The following TOM1L2 variants were observed in gnomAD, a reference collection of about 807,000 sequenced individuals.
The protein encoded by TOM1L2 is target of myb1 like 2 membrane trafficking protein.
A neutral mutation model predicts 67.9 loss-of-function variants in TOM1L2; 31 were observed. The ratio of observed to expected loss-of-function variants is 0.46; its 90% CI spans 0.34 to 0.62. The LOEUF (loss-of-function observed/expected upper bound fraction) is 0.62. Among genes scored for constraint, TOM1L2 ranks in the 20% least tolerant of loss-of-function variants. The pLI, the probability that TOM1L2 is intolerant of heterozygous loss-of-function variation, is 0.01. For missense variants in TOM1L2, 606 were observed against 663.5 expected, an observed-to-expected ratio of 0.91 and a Z score of 0.95; for synonymous variants, 256 against 254.0, an observed-to-expected ratio of 1.01 and a Z score of -0.07.
intron 1 of TOM1L2, among the ~76,000 whole-genome samples, chr17:17,949,745 A>G (rs555217185): frequency 3.9e-5 from 6 of 152,372 alleles, no homozygotes; most frequent in Non-Finnish European, 8.8e-5. Flanking sequence ...AGTGGCCAGA[A>G]GGCAGAAGAG....
rs554346604 is a variant in TOM1L2 at position 17,850,218 on chromosome 17, T to C, written c.1338+675A>G. ...TTCTTCATCCGCCACCCTGGCCCCC[T>C]ACTGGGCTGCTGAGAGTGAAAGTGC... On this transcript the variant is annotated intron_variant, in intron 13 of 14. Transcript: ENST00000379504. 5.3e-5 allele frequency among the ~76,000 whole-genome samples: 8 copies of C among 152,248 alleles called. No individual in the cohort carries two copies. The South Asian group carries it at 1.7e-3, about 32-fold the overall frequency.
chr17:17,943,656 T>A (rs1217751408), intron 1 of TOM1L2, among the ~76,000 whole-genome samples: 1 of 152,156 alleles, frequency 6.6e-6, no homozygotes, highest in Non-Finnish European at 1.5e-5. Flanking sequence ...CTTTCCATAG[T>A]CTACACTCCA....
chr17:17,861,024 G>T (rs575586184), intron 12 of TOM1L2, among the ~76,000 whole-genome samples: 1 of 152,326 alleles, frequency 6.6e-6, no homozygotes, highest in African/African-American at 2.4e-5. Flanking sequence ...GCTCGGGTCA[G>T]CATTGTCCTT....
intron 4 of TOM1L2, 116 bp downstream of exon 4, chr17:17,893,545 A>C (rs1568188553): frequency 2.0e-6 from 2 of 1,025,042 alleles, no homozygotes; most frequent in South Asian, 1.8e-5. Context: ...CAAATATTTT[A>C]AATGTAGAAG....
chr17:17,972,111 A>G (rs1459448370), intron 1 of TOM1L2, 151 bp downstream of exon 1: 21 of 945,706 alleles, frequency 2.2e-5, no homozygotes, highest in Non-Finnish European at 1.1e-5. Flanking sequence ...GACGACCAGG[A>G]TGCCCAGCCC....
intron 13 of TOM1L2, chr17:17,849,091 T>C (rs933175004): frequency 5.7e-5 from 32 of 565,938 alleles, no homozygotes; most frequent in Middle Eastern, 3.9e-4. Context: ...AAACATGTTT[T>C]AGGTTTTGAT....
At chr17:17,942,773 G>A (rs1002480337) in intron 1 of TOM1L2, among the ~76,000 whole-genome samples, 1 of 152,138 alleles carries the variant, frequency 6.6e-6, no homozygotes, top group African/African-American at 2.4e-5. Flanking sequence ...CAGCACGGTA[G>A]TTAGTATAGA....
chr17:17,856,056 C>G (rs1035067353), intron 12 of TOM1L2, among the ~76,000 whole-genome samples: 1 of 152,162 alleles, frequency 6.6e-6, no homozygotes, highest in African/African-American at 2.4e-5. Flanking sequence ...TGGAGCTCTA[C>G]GTGGGACCTG....
intron 7 of TOM1L2, among the ~76,000 whole-genome samples, chr17:17,875,001 A>C (rs1390878690): frequency 6.6e-6 from 1 of 152,180 alleles, no homozygotes; most frequent in Non-Finnish European, 1.5e-5. Context: ...TCACACCTGT[A>C]ATCTCAGCAC....
chr17:17,961,318 G>A (rs1404682958), intron 1 of TOM1L2, among the ~76,000 whole-genome samples: 1 of 152,180 alleles, frequency 6.6e-6, no homozygotes, highest in East Asian at 1.9e-4. Context: ...AACACTTTGG[G>A]AGGCCAAGAT....
chr17:17,901,401 G>C (rs2038850235), intron 2 of TOM1L2, among the ~76,000 whole-genome samples: 1 of 152,194 alleles, frequency 6.6e-6, no homozygotes, highest in Non-Finnish European at 1.5e-5. Context: ...GAAAGGTCAG[G>C]CTCCTCAGGC....
At chr17:17,849,382 C>G (rs1264383065) in intron 13 of TOM1L2, among the ~76,000 whole-genome samples, 1 of 152,380 alleles carries the variant, frequency 6.6e-6, no homozygotes, top group East Asian at 1.9e-4. Flanking sequence ...GCCCACAGCA[C>G]AGGGCCTGTC....
intron 10 of TOM1L2, 152 bp downstream of exon 10, chr17:17,866,144 G>T: frequency 1.1e-6 from 1 of 898,462 alleles, no homozygotes; most frequent in Non-Finnish European, 1.6e-6. Flanking sequence ...TGAAAGTAAG[G>T]TGGTACAACT....
intron 1 of TOM1L2, among the ~76,000 whole-genome samples, chr17:17,941,142 G>A (rs1300610571): frequency 1.3e-5 from 2 of 152,204 alleles, no homozygotes; most frequent in South Asian, 2.1e-4. Flanking sequence ...AGGCTTCTAC[G>A]TTTGCTAACT....
chr17:17,961,527 A>G (rs2041677542), intron 1 of TOM1L2, among the ~76,000 whole-genome samples: 1 of 151,986 alleles, frequency 6.6e-6, no homozygotes, highest in African/African-American at 2.4e-5. Context: ...GGGAGCTATG[A>G]TCATGCCACT....
intron 1 of TOM1L2, among the ~76,000 whole-genome samples, chr17:17,971,952 C>A (rs752674777): frequency 6.6e-6 from 1 of 151,512 alleles, no homozygotes; most frequent in Non-Finnish European, 1.5e-5. Flanking sequence ...AAGGCCCAGC[C>A]CCCCCGGGAG....
At chr17:17,881,035 C>T (rs1283533427) in intron 6 of TOM1L2, among the ~76,000 whole-genome samples, 3 of 152,186 alleles carry the variant, frequency 2.0e-5, no homozygotes, top group Non-Finnish European at 4.4e-5. Flanking sequence ...TGTGGGTGGG[C>T]TCTCTCAGCA....
At chr17:17,912,809 C>T (rs2039449260) in intron 1 of TOM1L2, among the ~76,000 whole-genome samples, 1 of 152,088 alleles carries the variant, frequency 6.6e-6, no homozygotes, top group African/African-American at 2.4e-5. Flanking sequence ...GCTGCAATCT[C>T]GGCACTTTGG....
chr17:17,907,689 C>T (rs1437548869), intron 1 of TOM1L2, among the ~76,000 whole-genome samples, 158 bp from the exon 2 acceptor site: 2 of 152,074 alleles, frequency 1.3e-5, no homozygotes, highest in Admixed American at 6.5e-5. Context: ...AGAGAACACC[C>T]GGGAAAGGTC....
Sources: gnomAD v4.1 joint callset for allele counts (sites outside exome capture counted in the v4.1 genomes callset) on GRCh38, gnomAD v4.1.1 for gene constraint, MANE v1.5 for transcripts, NCBI Gene and HGNC (gene_info 2026-07-23, HGNC 2026-07-21) for gene names.